Variants in CDH4 observed in about 807,000 individuals in gnomAD.
CDH4 encodes the protein cadherin 4, also known as cadherin-4.
Under a neutral mutation model 86.0 loss-of-function variants are expected in CDH4, and 33 were observed. The observed-to-expected ratio is 0.38, with a 90% CI of 0.29 to 0.51. CDH4 has a LOEUF of 0.51. Ranked by LOEUF, CDH4 falls within the 20% of genes least tolerant of loss-of-function variation. The probability of loss-of-function intolerance (pLI) is 0.86; values close to 1 mark genes in which losing one functional copy is unlikely to be tolerated. For missense variants in CDH4, 1,114 were observed against 1,307.4 expected, an observed-to-expected ratio of 0.85 and a Z score of 2.28; for synonymous variants, 555 against 549.4, an observed-to-expected ratio of 1.01 and a Z score of -0.14.
chr20:61,783,490 G>T (rs576319493), intron 4 of CDH4, among the ~76,000 whole-genome samples: 1 of 151,750 alleles, frequency 6.6e-6, no homozygotes, highest in African/African-American at 2.4e-5. Context: ...GATGTCCTGT[G>T]CCCCCGAAAG....
At chr20:61,884,193 C>G (rs1461562660) in intron 7 of CDH4, among the ~76,000 whole-genome samples, 2 of 152,140 alleles carry the variant, frequency 1.3e-5, no homozygotes, top group Non-Finnish European at 2.9e-5. Flanking sequence ...GGCTCTGGGC[C>G]ACCAGTGAAC....
intron 6 of CDH4, among the ~76,000 whole-genome samples, chr20:61,868,935 T>A (rs1200788455): frequency 1.3e-5 from 2 of 152,118 alleles, no homozygotes; most frequent in Non-Finnish European, 2.9e-5. Context: ...GCTCACAGGC[T>A]GTGGTGGACA....
At chr20:61,558,928 C>A (rs965223358) in intron 2 of CDH4, among the ~76,000 whole-genome samples, 1 of 152,228 alleles carries the variant, frequency 6.6e-6, no homozygotes, top group African/African-American at 2.4e-5. Flanking sequence ...GCCTTGCGAT[C>A]CCTCACTGAT....
At chr20:61,282,899 G>A (rs1432688186) in intron 2 of CDH4, among the ~76,000 whole-genome samples, 1 of 152,156 alleles carries the variant, frequency 6.6e-6, no homozygotes, top group African/African-American at 2.4e-5. Flanking sequence ...TTGCACGCGT[G>A]TGCTGTGGCG....
At chr20:61,652,938 A>ATTTATTTT (rs1555819716) in intron 2 of CDH4, among the ~76,000 whole-genome samples, 1 of 97,438 alleles carries the variant, frequency 1.0e-5, no homozygotes, top group Non-Finnish European at 2.4e-5. Context: ...TTATTTATTT[A>ATTTATTTT]TTTTTTTTTT....
intron 5 of CDH4, among the ~76,000 whole-genome samples, chr20:61,848,838 T>C (rs968343773): frequency 2.0e-5 from 3 of 152,096 alleles, no homozygotes; most frequent in Non-Finnish European, 4.4e-5. Context: ...CACGTTCCTG[T>C]CTATTTCCTG....
chr20:61,462,333 C>T (rs1297517176), intron 2 of CDH4, among the ~76,000 whole-genome samples: 1 of 152,156 alleles, frequency 6.6e-6, no homozygotes, highest in African/African-American at 2.4e-5. Flanking sequence ...CTGGGGTGAC[C>T]TGGTGCATTG....
intron 2 of CDH4, among the ~76,000 whole-genome samples, chr20:61,412,423 C>T (rs573606379): frequency 8.5e-5 from 13 of 152,254 alleles, no homozygotes; most frequent in Admixed American, 8.5e-4. Context: ...CCCCAGAGTG[C>T]CGGAGGTTAC....
At chr20:61,651,173 C>T (rs1409399342) in intron 2 of CDH4, among the ~76,000 whole-genome samples, 6 of 149,282 alleles carry the variant, frequency 4.0e-5, no homozygotes, top group Non-Finnish European at 8.9e-5. Flanking sequence ...TGCTTGGTCA[C>T]GCACTGGTGT....
chr20:61,513,783 C>T (rs2085797361), intron 2 of CDH4, among the ~76,000 whole-genome samples: 2 of 152,294 alleles, frequency 1.3e-5, no homozygotes, highest in South Asian at 2.1e-4. Flanking sequence ...GCCCCTCTGG[C>T]CACCCACTCA....
intron 2 of CDH4, among the ~76,000 whole-genome samples, chr20:61,426,758 C>T (rs1343148497): frequency 6.6e-6 from 1 of 152,234 alleles, no homozygotes; most frequent in Non-Finnish European, 1.5e-5. Context: ...CAAATTCCTG[C>T]AGGGAATCGA....
At chr20:61,340,051 T>G (rs1891168773) in intron 2 of CDH4, among the ~76,000 whole-genome samples, 1 of 152,212 alleles carries the variant, frequency 6.6e-6, no homozygotes, top group African/African-American at 2.4e-5. Flanking sequence ...AGAAAGCCTC[T>G]TTGACATAAT....
At chr20:61,502,603 C>T (rs910536391) in intron 2 of CDH4, among the ~76,000 whole-genome samples, 2 of 152,178 alleles carry the variant, frequency 1.3e-5, no homozygotes, top group African/African-American at 4.8e-5. Flanking sequence ...AAAATCTTCC[C>T]TCTAACCCTG....
intron 2 of CDH4, among the ~76,000 whole-genome samples, chr20:61,508,695 C>G (rs987935407): frequency 2.6e-5 from 4 of 152,262 alleles, no homozygotes; most frequent in Non-Finnish European, 5.9e-5. Context: ...CAGTGAAGCC[C>G]AGGCGCTGCC....
At chr20:61,925,428 G>A (rs1025104349) in intron 11 of CDH4, among the ~76,000 whole-genome samples, 1 of 152,202 alleles carries the variant, frequency 6.6e-6, no homozygotes, top group African/African-American at 2.4e-5. Context: ...CAAGTCGGGG[G>A]AGTCTTAGTA....
Position 61,582,583 on chromosome 20 carries a change from C to T in CDH4, c.170-160980C>T, listed in dbSNP as rs1440070548. Reference sequence around the variant, plus strand: ...AGAGTCTCCCCAGTTGCACCCAGTGCCCTGAGAGCTGCACCTAGAGCTTCT... The same window carrying T: ...AGAGTCTCCCCAGTTGCACCCAGTGTCCTGAGAGCTGCACCTAGAGCTTCT... On this transcript the variant is annotated intron_variant, in intron 2 of 15. Transcript: ENST00000614565. This position sits in a 1 kb window ranked among gnomAD's most constrained non-coding sequence, Gnocchi z 4.2. 3.9e-5 allele frequency among the ~76,000 whole-genome samples: 6 copies of T among 152,180 alleles called. No individual in the cohort carries two copies. Among genetic ancestry groups the T allele is most frequent in the Admixed American group, 3.9e-4 (6 of 15,290 alleles).
chr20:61,496,813 G>A (rs1235082694), intron 2 of CDH4, among the ~76,000 whole-genome samples: 1 of 152,224 alleles, frequency 6.6e-6, no homozygotes, highest in Non-Finnish European at 1.5e-5. Flanking sequence ...TGGATGTGCT[G>A]TAGGCTTGGT....
At chr20:61,678,764 G>A (rs1470743954) in intron 2 of CDH4, among the ~76,000 whole-genome samples, 2 of 152,190 alleles carry the variant, frequency 1.3e-5, no homozygotes, top group Admixed American at 1.3e-4. Flanking sequence ...GCTTGAGGAA[G>A]CCTCACCCCA....
At chr20:61,567,521 C>T (rs6142798) in intron 2 of CDH4, among the ~76,000 whole-genome samples, 24 of 152,208 alleles carry the variant, frequency 1.6e-4, no homozygotes, top group African/African-American at 5.8e-4. Flanking sequence ...CCCTGGGCCC[C>T]TTCCAAAAGC....
Sources: gnomAD v4.1 joint callset for allele counts (sites outside exome capture counted in the v4.1 genomes callset) on GRCh38, gnomAD v4.1.1 for gene constraint, Gnocchi (gnomAD v3.1) non-coding constraint, MANE v1.5 for transcripts, NCBI Gene and HGNC (gene_info 2026-07-23, HGNC 2026-07-21) for gene names.